B4GALT6: variants seen among roughly 807,000 people sequenced by gnomAD.
B4GALT6 encodes beta-1,4-galactosyltransferase 6.
Under a neutral mutation model 46.3 loss-of-function variants are expected in B4GALT6, and 14 were observed. The ratio of observed to expected loss-of-function variants is 0.30; its 90% confidence interval spans 0.20 to 0.47. The LOEUF is 0.47. B4GALT6 is among the 20% of genes least tolerant of loss of function. The pLI is 0.99. For missense variants in B4GALT6, 386 were observed against 480.1 expected (o/e 0.80, Z 1.83); for synonymous variants, 168 against 162.0 (o/e 1.04, Z -0.28).
rs563961981 is a variant in B4GALT6 at position 31,678,461 on chromosome 18, C to A, written c.115+5851G>T. Among the ~76,000 whole-genome samples the A allele has an allele frequency of 2.6e-5, 4 of 152,266 alleles. No homozygotes were observed. In the East Asian group the frequency reaches 7.7e-4, roughly 29 times the overall value. On this transcript the variant is annotated intron_variant, in intron 1 of 8. Coordinates refer to ENST00000306851, the MANE Select transcript of B4GALT6 (RefSeq NM_004775.5). ...TTCCTTCAAACTGAAGAAAAGAGAG[C>A]TTGTATTTCCCCAAAATCTTCCATT...
intron 4 of B4GALT6, among the ~76,000 whole-genome samples, chr18:31,639,663 T>C (rs1454723974): frequency 1.3e-5 from 2 of 152,180 alleles, no homozygotes; most frequent in Non-Finnish European, 2.9e-5. Flanking sequence ...ACATTTGTCT[T>C]TATCAACCAG....
intron 4 of B4GALT6, among the ~76,000 whole-genome samples, chr18:31,641,859 A>G (rs1266595339): frequency 6.6e-6 from 1 of 152,220 alleles, no homozygotes; most frequent in Non-Finnish European, 1.5e-5. Flanking sequence ...ATCAAGAAAA[A>G]TGTGTATCAC....
rs35690268 is a variant in B4GALT6, at chr18:31,659,949, C to CTT, written c.233-1862_233-1861dup. ...GTCCAATAAAGTTCTGATTCTTTTCCTTTTTTTTTTTTTTTTTTTTTGAGA... is the reference window on the plus strand; with the variant it reads ...GTCCAATAAAGTTCTGATTCTTTTCCTTTTTTTTTTTTTTTTTTTTTTTGAGA... On this transcript the variant is annotated intron_variant, in intron 2 of 8. Coordinates refer to ENST00000306851, the MANE Select transcript of B4GALT6 (RefSeq NM_004775.5). 5.3e-3 allele frequency among the ~76,000 whole-genome samples: 647 copies of CTT among 122,704 alleles called. 6 individuals are homozygous for CTT. Among genetic ancestry groups the CTT allele is most frequent in the African/African-American group, 0.019 (583 of 30,452 alleles). The allele number at this position is 122,704 out of a possible 152,430, so 80.5% of individuals were successfully genotyped here.
chr18:31,656,479 T>C (rs945258449), intron 3 of B4GALT6, among the ~76,000 whole-genome samples: 8 of 151,964 alleles, frequency 5.3e-5, no homozygotes, highest in Admixed American at 2.0e-4. Flanking sequence ...TACAGTATAG[T>C]GTTTTTTTTA....
chr18:31,643,326 G>A (rs1013540586), intron 4 of B4GALT6, among the ~76,000 whole-genome samples: 1 of 152,128 alleles, frequency 6.6e-6, no homozygotes, highest in African/African-American at 2.4e-5. Context: ...TTTTGAGACA[G>A]CTTGCTCCTT....
chr18:31,709,146 T>G, the B4GALT6 span, among the ~76,000 whole-genome samples: 1 of 152,194 alleles, frequency 6.6e-6, no homozygotes, highest in Non-Finnish European at 1.5e-5. Flanking sequence ...TCTATCATTC[T>G]TTAATTCCAT....
intron 1 of B4GALT6, among the ~76,000 whole-genome samples, chr18:31,681,006 C>T (rs1409840361): frequency 1.3e-5 from 2 of 152,158 alleles, no homozygotes; most frequent in African/African-American, 4.8e-5. Context: ...TTAACCAGCC[C>T]TCACTTCCCA....
rs980534779 is a variant in B4GALT6 at position 31,630,440 on chromosome 18, G to C, written c.776+519C>G. ...GGGTTTTTTTTTTTTATTATTAAAG[G>C]GCAGGTCAAGAATGCACACCTTAGG... On this transcript the variant is annotated intron_variant, in intron 6 of 8. Transcript: ENST00000306851. Among the ~76,000 whole-genome samples, 10 of 151,582 alleles carry C rather than the reference G, an allele frequency of 6.6e-5. No homozygotes were observed. In the East Asian group the frequency reaches 1.7e-3, roughly 26 times the overall value.
intron 2 of B4GALT6, chr18:31,658,326 A>T (rs971124822): frequency 2.8e-5 from 9 of 325,418 alleles, no homozygotes; most frequent in Non-Finnish European, 4.6e-5. Flanking sequence ...GCACACAGAC[A>T]TGGCAGTCCC....
chr18:31,683,301 T>C (rs897663295), intron 1 of B4GALT6, among the ~76,000 whole-genome samples: 2 of 152,200 alleles, frequency 1.3e-5, no homozygotes, highest in African/African-American at 4.8e-5. Context: ...TAAGGGGCAT[T>C]ACATTTTTAG....
chr18:31,657,482 CATCT>C (rs1384930429), intron 3 of B4GALT6, among the ~76,000 whole-genome samples: 3 of 152,256 alleles, frequency 2.0e-5, no homozygotes, highest in African/African-American at 2.4e-5. Flanking sequence ...TCTATACAGA[CATCT>C]ATCTATGTAG....
intron 4 of B4GALT6, 144 bp downstream of exon 4, chr18:31,645,211 A>AATT: frequency 9.1e-7 from 1 of 1,101,238 alleles, no homozygotes; most frequent in South Asian, 1.5e-5. Flanking sequence ...TTGAATTATA[A>AATT]ATAGTAAACA....
the B4GALT6 span, among the ~76,000 whole-genome samples, chr18:31,703,777 A>C: frequency 6.6e-6 from 1 of 152,220 alleles, no homozygotes; most frequent in Non-Finnish European, 1.5e-5. Flanking sequence ...ATTCAAGGAC[A>C]AATCTGTCTC....
the B4GALT6 span, among the ~76,000 whole-genome samples, chr18:31,695,098 A>C: frequency 6.6e-6 from 1 of 152,154 alleles, no homozygotes; most frequent in Admixed American, 6.5e-5. Flanking sequence ...CAAATCATTA[A>C]AATAAAGCAG....
upstream of B4GALT6, chr18:31,684,781 G>C: frequency 7.5e-6 from 8 of 1,062,140 alleles, no homozygotes; most frequent in Non-Finnish European, 9.2e-6. Flanking sequence ...GGGGCTGCAG[G>C]TGGGAGGAGG....
At chr18:31,693,867 C>G in the B4GALT6 span, among the ~76,000 whole-genome samples, 1 of 152,192 alleles carries the variant, frequency 6.6e-6, no homozygotes, top group Non-Finnish European at 1.5e-5. Context: ...ACTCAGGAGG[C>G]TGAGGTGGGA....
At chr18:31,668,072 G>A (rs1017930937) in intron 1 of B4GALT6, among the ~76,000 whole-genome samples, 4 of 151,562 alleles carry the variant, frequency 2.6e-5, no homozygotes, top group Middle Eastern at 3.4e-3. Context: ...ACTCCAGCCT[G>A]GGCGAGGGAG....
the B4GALT6 span, among the ~76,000 whole-genome samples, chr18:31,712,287 A>ATTTTTTTT: frequency 3.2e-3 from 271 of 84,618 alleles, 24 homozygotes; most frequent in Non-Finnish European, 4.5e-3. Context: ...CTGGGACGTT[A>ATTTTTTTT]TTTTTTTTTT....
chr18:31,627,366 C>A (rs1419461197), intron 6 of B4GALT6, among the ~76,000 whole-genome samples: 1 of 151,902 alleles, frequency 6.6e-6, no homozygotes, highest in Non-Finnish European at 1.5e-5. Flanking sequence ...ATTTAGTATA[C>A]AAATAAGACT....
Sources: gnomAD v4.1 joint callset for allele counts (sites outside exome capture counted in the v4.1 genomes callset) on GRCh38, gnomAD v4.1.1 for gene constraint, MANE v1.5 for transcripts, NCBI Gene and HGNC (gene_info 2026-07-23, HGNC 2026-07-21) for gene names.